The following CORO7 variants were observed in gnomAD, a reference collection of about 807,000 sequenced individuals.
CORO7 encodes the protein coronin-7.
CORO7 carries 107 observed loss-of-function variants against 126.6 expected under a neutral mutation model. The ratio of observed to expected loss-of-function variants is 0.85; its 90% CI spans 0.72 to 0.99. The LOEUF (loss-of-function observed/expected upper bound fraction) is 0.99, where lower values mean the gene tolerates loss of function less well. CORO7 is among the 50% of genes least tolerant of loss of function. CORO7 has a pLI of 0.00. For missense variants in CORO7, 1,314 were observed against 1,255.8 expected (o/e 1.05, Z -0.70); for synonymous variants, 603 against 536.8 (o/e 1.12, Z -1.70).
intron 9 of CORO7, chr16:4,382,936 A>G: frequency 6.9e-7 from 1 of 1,458,474 alleles, no homozygotes; most frequent in Non-Finnish European, 9.1e-7. Flanking sequence ...CCGGGCTCTC[A>G]GCCAGTGAGA....
chr16:4,387,762 G>A (rs2141263761), intron 9 of CORO7: 1 of 593,274 alleles, frequency 1.7e-6, no homozygotes. Context: ...GGCCCACTCT[G>A]CTACCAGGGG....
At position 4,361,378 on chromosome 16, in the gene CORO7, G is replaced by A. The variant is rs113335841; in HGVS notation, c.1670C>T (p.Pro557Leu). 6.2e-7 allele frequency: 1 copy of A among 1,612,214 alleles called. No individual in the cohort carries two copies. The highest frequency in any genetic ancestry group is 8.5e-7 in the Non-Finnish European group (1 of 1,179,662). The change falls in exon 17 of 28, where the codon CCC becomes CTC. Residue 557 changes from proline to leucine, a missense_variant. Pro to Leu is a moderately conservative substitution (Grantham distance 98). Transcript: ENST00000251166. ...CTCCTTACCCACAGCGAGGCGATGG[G>A]GGTCAAAGGGGTCCCAGGCCAGATC... ...VTDLAWDPFD[P>L]HRLAVAGEDA...
chr16:4,409,027 A>G (rs1044865190), intron 3 of CORO7, among the ~76,000 whole-genome samples: 1 of 152,084 alleles, frequency 6.6e-6, no homozygotes, highest in Non-Finnish European at 1.5e-5. Flanking sequence ...GGTGGGGTGC[A>G]CAGAGTGAGC....
At chr16:4,378,101 C>T (rs748319703) in intron 9 of CORO7, among the ~76,000 whole-genome samples, 16 of 152,298 alleles carry the variant, frequency 1.1e-4, no homozygotes, top group Non-Finnish European at 1.5e-4. Context: ...CCCCCCAGCA[C>T]GTGCCCCTAA....
rs2056081979 is a variant in CORO7 at position 4,408,255 on chromosome 16, T to C, written c.233-4A>G. 4.3e-6 allele frequency: 7 copies of C among 1,614,142 alleles called. No individual in the cohort carries two copies. In the East Asian group the frequency reaches 1.6e-4, roughly 36 times the overall value. ...AAGTCCAAGTCGGTGACTAGGTCTG[T>C]GGGAGAGGAATGGCTGAACCCACCG... On this transcript the variant is annotated splice_polypyrimidine_tract_variant and splice_region_variant and intron_variant, in intron 3 of 27. Coordinates refer to ENST00000251166, the MANE Select transcript of CORO7 (RefSeq NM_024535.5).
intron 6 of CORO7, among the ~76,000 whole-genome samples, chr16:4,403,386 T>C (rs2055883716): frequency 6.6e-6 from 1 of 152,124 alleles, no homozygotes; most frequent in African/African-American, 2.4e-5. Flanking sequence ...AGGTACCCAT[T>C]GGCCCTAGAC....
At chr16:4,364,181 G>C in intron 14 of CORO7, 95 bp downstream of exon 14, 1 of 1,378,286 alleles carries the variant, frequency 7.3e-7, no homozygotes, top group Non-Finnish European at 9.4e-7. Context: ...GTGAGACACT[G>C]TCTCAAAAAA....
chr16:4,400,797 C>CAATAATAATAATAATAATAAT (rs373023916), intron 6 of CORO7, among the ~76,000 whole-genome samples: 24 of 139,336 alleles, frequency 1.7e-4, no homozygotes, highest in African/African-American at 3.7e-4. Flanking sequence ...TCCAGCAGTG[C>CAATAATAATAATAATAATAAT]AATAATAATA....
chr16:4,374,550 G>A (rs749930403), intron 9 of CORO7, among the ~76,000 whole-genome samples: 12 of 152,182 alleles, frequency 7.9e-5, no homozygotes, highest in African/African-American at 1.7e-4. Flanking sequence ...GGCCTACACC[G>A]GGAAGGGGCT....
chr16:4,379,092 T>C lies in CORO7; in HGVS notation c.785+8894A>G, dbSNP rs528891459. On this transcript the variant is annotated intron_variant, in intron 9 of 27. Coordinates refer to ENST00000251166, the MANE Select transcript of CORO7 (RefSeq NM_024535.5). Reference sequence around the variant, plus strand: ...CTCACATTCCAGGAACCCACGTACCTGGGGGAGAGGGAGCCCTATGGACGG... The same window carrying C: ...CTCACATTCCAGGAACCCACGTACCCGGGGGAGAGGGAGCCCTATGGACGG... Among the ~76,000 whole-genome samples the C allele has an allele frequency of 8.5e-5, 13 of 152,060 alleles. No homozygotes were observed. In the South Asian group the frequency reaches 2.3e-3, roughly 27 times the overall value.
chr16:4,398,601 G>T (rs1484355494), intron 6 of CORO7, among the ~76,000 whole-genome samples: 1 of 151,784 alleles, frequency 6.6e-6, no homozygotes, highest in East Asian at 1.9e-4. Context: ...AGGAGGTGGA[G>T]GTTGCAGTGA....
At chr16:4,398,902 G>A (rs2055699953) in intron 6 of CORO7, among the ~76,000 whole-genome samples, 1 of 151,620 alleles carries the variant, frequency 6.6e-6, no homozygotes, top group Non-Finnish European at 1.5e-5. Context: ...CAGGAGGCGG[G>A]GGTTGCAGTG....
chr16:4,376,480 C>T (rs1429457968), intron 9 of CORO7, among the ~76,000 whole-genome samples: 1 of 152,190 alleles, frequency 6.6e-6, no homozygotes, highest in Non-Finnish European at 1.5e-5. Flanking sequence ...GAGGGGCGTA[C>T]TGGCCTCAGA....
At chr16:4,387,298 T>C (rs1048551077) in intron 9 of CORO7, among the ~76,000 whole-genome samples, 1 of 151,980 alleles carries the variant, frequency 6.6e-6, no homozygotes, top group Non-Finnish European at 1.5e-5. Flanking sequence ...GCCAAGGCCA[T>C]CTCGGCACAC....
In CORO7 at chr16:4,354,663, A is replaced by G; in HGVS notation, c.*495T>C. The G allele has an allele frequency of 6.0e-6, 1 of 166,886 alleles. No individual in the cohort carries two copies. Among genetic ancestry groups the G allele is most frequent in the Non-Finnish European group, 1.3e-5 (1 of 78,084 alleles). The allele number at this position is 166,886 out of a possible 1,614,324, so 10.3% of individuals were successfully genotyped here. A position where few individuals can be genotyped will look rare whatever the true frequency, so the allele number is the denominator to read the frequency against. ...TGTGATGCCCCCTTCTCCTGGCTACAAACCTGGGAAGTAGGGCAGCTGGTC... is the reference window on the plus strand; with the variant it reads ...TGTGATGCCCCCTTCTCCTGGCTACGAACCTGGGAAGTAGGGCAGCTGGTC... On this transcript the variant is annotated 3_prime_UTR_variant, in exon 28 of 28. Coordinates refer to ENST00000251166, the MANE Select transcript of CORO7 (RefSeq NM_024535.5).
In CORO7 at chr16:4,357,801, C is replaced by A. The variant is rs1567241300; in HGVS notation, c.2593+167G>T. 5.6e-6 allele frequency: 7 copies of A among 1,260,646 alleles called. No individual in the cohort carries two copies. In the South Asian group the frequency reaches 1.1e-4, roughly 20 times the overall value. The allele number at this position is 1,260,646 out of a possible 1,614,324, so 78.1% of individuals were successfully genotyped here. A position where few individuals can be genotyped will look rare whatever the true frequency, so the allele number is the denominator to read the frequency against. The stretch of plus-strand genomic sequence containing the variant: ...GGACCTGTGATGAAAACACAGACCA[C>A]GAGCCCTGCCCTCCACTGGCTCAGA... On this transcript the variant is annotated intron_variant, in intron 25 of 27. Transcript: ENST00000251166.
chr16:4,360,639 C>CT, intron 19 of CORO7, 91 bp from the exon 20 acceptor site: 1 of 1,466,028 alleles, frequency 6.8e-7, no homozygotes, highest in Non-Finnish European at 9.1e-7. Flanking sequence ...CTGCTGGCGC[C>CT]GCCCCTCCTC....
intron 21 of CORO7, among the ~76,000 whole-genome samples, chr16:4,359,827 T>C (rs1469295122): frequency 6.6e-6 from 1 of 151,608 alleles, no homozygotes; most frequent in Non-Finnish European, 1.5e-5. Context: ...CACCCATCCA[T>C]CTACCCCTGA....
At chr16:4,405,056 T>G (rs2055946733) in intron 6 of CORO7, among the ~76,000 whole-genome samples, 1 of 152,164 alleles carries the variant, frequency 6.6e-6, no homozygotes, top group Non-Finnish European at 1.5e-5. Flanking sequence ...CAAAGCACCA[T>G]GTCCCTCTTG....
Sources: allele counts gnomAD v4.1 joint callset (sites outside exome capture counted in the v4.1 genomes callset), GRCh38; gene constraint gnomAD v4.1.1; transcripts MANE v1.5; gene names NCBI Gene and HGNC (gene_info 2026-07-23, HGNC 2026-07-21).